Variants in HTR7 observed in about 807,000 individuals in gnomAD.
HTR7 encodes 5-HT-7.
Under a neutral mutation model 34.0 loss-of-function variants are expected in HTR7, and 16 were observed. The observed-to-expected ratio is 0.47, with a 90% CI of 0.32 to 0.71. HTR7 has a LOEUF of 0.71. Ranked by LOEUF, HTR7 falls within the 30% of genes least tolerant of loss-of-function variation. The probability of loss-of-function intolerance (pLI) is 0.04; values close to 1 mark genes in which losing one functional copy is unlikely to be tolerated. For synonymous variants in HTR7, 265 were observed against 260.2 expected (o/e 1.02, Z -0.18); for missense variants, 504 against 625.5 (o/e 0.81, Z 2.07).
chr10:90,805,205 G>T (rs1171840575), intron 1 of HTR7, among the ~76,000 whole-genome samples: 1 of 152,078 alleles, frequency 6.6e-6, no homozygotes, highest in East Asian at 1.9e-4. Context: ...TACTATAGGG[G>T]GCTACTCATT....
At chr10:90,759,612 G>A (rs1003757613) in intron 1 of HTR7, among the ~76,000 whole-genome samples, 2 of 137,558 alleles carry the variant, frequency 1.5e-5, no homozygotes, top group African/African-American at 2.8e-5. Context: ...CCGAGATTGC[G>A]CCACTGCAGT....
intron 1 of HTR7, among the ~76,000 whole-genome samples, chr10:90,820,350 A>G (rs1845960593): frequency 6.6e-6 from 1 of 152,208 alleles, no homozygotes; most frequent in African/African-American, 2.4e-5. Context: ...AAGAATCTGA[A>G]CACGGTGTTC....
At chr10:90,745,465 T>C (rs538103212) in intron 2 of HTR7, among the ~76,000 whole-genome samples, 171 of 152,330 alleles carry the variant, frequency 1.1e-3, no homozygotes, top group Non-Finnish European at 1.9e-3. Context: ...TTTCAAAATA[T>C]GAATTTTGCA....
chr10:90,813,521 CAAA>C (rs55804411), intron 1 of HTR7, among the ~76,000 whole-genome samples: 3 of 131,382 alleles, frequency 2.3e-5, no homozygotes, highest in Admixed American at 7.6e-5. Context: ...GACTCCGTGT[CAAA>C]AAAAAAAAAA....
At chr10:90,762,309 C>G (rs1399603367) in intron 1 of HTR7, among the ~76,000 whole-genome samples, 1 of 152,124 alleles carries the variant, frequency 6.6e-6, no homozygotes, top group Non-Finnish European at 1.5e-5. Flanking sequence ...TATTTCTTGT[C>G]TTTTTGATAA....
At chr10:90,803,350 G>A (rs531004919) in intron 1 of HTR7, among the ~76,000 whole-genome samples, 5 of 152,074 alleles carry the variant, frequency 3.3e-5, no homozygotes, top group Non-Finnish European at 5.9e-5. Context: ...ATTCACATGC[G>A]CAGTAGCCTG....
chr10:90,856,921 C>T (rs572295548), intron 1 of HTR7, among the ~76,000 whole-genome samples: 162 of 152,298 alleles, frequency 1.1e-3, no homozygotes, highest in African/African-American at 3.8e-3. Context: ...TAAACCAGAA[C>T]ATTTCCGGTT....
At chr10:90,803,578 C>T (rs1845661294) in intron 1 of HTR7, among the ~76,000 whole-genome samples, 1 of 152,154 alleles carries the variant, frequency 6.6e-6, no homozygotes, top group Non-Finnish European at 1.5e-5. Flanking sequence ...TTCTGTTTAT[C>T]GGGAGACCGC....
chr10:90,783,729 C>T (rs11186306), intron 1 of HTR7, among the ~76,000 whole-genome samples: 16,565 of 152,110 alleles, frequency 0.11, 1,167 homozygotes, highest in African/African-American at 0.19. Flanking sequence ...TTTCTCCACC[C>T]CATTACTTGA....
intron 1 of HTR7, among the ~76,000 whole-genome samples, chr10:90,769,789 C>A (rs73314007): frequency 0.024 from 3,597 of 152,252 alleles, 140 homozygotes; most frequent in African/African-American, 0.083. Context: ...ACAGCAAAAC[C>A]AGTTGCCAAA....
chr10:90,779,913 T>C (rs1244660871), intron 1 of HTR7, among the ~76,000 whole-genome samples: 2 of 152,136 alleles, frequency 1.3e-5, no homozygotes, highest in African/African-American at 4.8e-5. Flanking sequence ...GGACACCCCA[T>C]CCCCAACCCT....
chr10:90,831,575 G>A (rs113797987), intron 1 of HTR7, among the ~76,000 whole-genome samples: 11,628 of 152,266 alleles, frequency 0.076, 482 homozygotes, highest in Non-Finnish European at 0.095. Flanking sequence ...ACCCCAGCGG[G>A]TTGCCACTGC....
Position 90,857,095 on chromosome 10 carries a change from C to T in HTR7, c.539+38G>A. Reference sequence around the variant, plus strand: ...CGCGGGGCTGAGCTGCCAGCCGGTCCCCAGCCGGAGCCTGGGACGGGGCGG... The same window carrying T: ...CGCGGGGCTGAGCTGCCAGCCGGTCTCCAGCCGGAGCCTGGGACGGGGCGG... On this transcript the variant is annotated intron_variant, in intron 1 of 3. Coordinates refer to ENST00000336152, the MANE Select transcript of HTR7 (RefSeq NM_019859.4). The surrounding 1 kb of genome is among the most constrained non-coding windows in gnomAD (Gnocchi z 6.5). 1 of 1,496,064 alleles carries T rather than the reference C, an allele frequency of 6.7e-7. No homozygotes were observed. The highest frequency in any genetic ancestry group is 2.4e-5 in the East Asian group (1 of 41,236). 92.7% of individuals were successfully genotyped at this position (1,496,064 alleles called of 1,614,324 possible).
chr10:90,763,812 T>G (rs532319622), intron 1 of HTR7, among the ~76,000 whole-genome samples: 3 of 152,358 alleles, frequency 2.0e-5, no homozygotes, highest in South Asian at 2.1e-4. Flanking sequence ...TTTTTATGGC[T>G]GCATAGTATT....
rs80281807 is a variant in HTR7 at position 90,782,151 on chromosome 10, A to C, written c.540-32557T>G. The stretch of plus-strand genomic sequence containing the variant: ...TCATGGCACCTCCAATTCCACAGAC[A>C]TGGGCGAGAGACTGCACTCAATGCC... On this transcript the variant is annotated intron_variant, in intron 1 of 3. Transcript: ENST00000336152. 1.8e-4 allele frequency among the ~76,000 whole-genome samples: 28 copies of C among 151,614 alleles called. No individual in the cohort carries two copies. The East Asian group carries it at 5.4e-3, about 29-fold the overall frequency.
At chr10:90,775,718 G>C (rs1432711511) in intron 1 of HTR7, among the ~76,000 whole-genome samples, 4 of 152,184 alleles carry the variant, frequency 2.6e-5, no homozygotes, top group Non-Finnish European at 2.9e-5. Context: ...CAAAATTCTA[G>C]AAAGTAGATT....
intron 1 of HTR7, among the ~76,000 whole-genome samples, chr10:90,826,719 C>T (rs377252212): frequency 2.6e-5 from 4 of 151,936 alleles, no homozygotes; most frequent in South Asian, 4.2e-4. Context: ...GGGCGGATCA[C>T]GAGCTCAGGA....
intron 1 of HTR7, among the ~76,000 whole-genome samples, chr10:90,803,424 TG>T (rs1845659442): frequency 6.6e-6 from 1 of 152,140 alleles, no homozygotes; most frequent in South Asian, 2.1e-4. Flanking sequence ...TCACTTGAGG[TG>T]TTTTTCCCTT....
At position 90,810,356 on chromosome 10, in the gene HTR7, C is replaced by G. The variant is rs369010016; in HGVS notation, c.539+46777G>C. On this transcript the variant is annotated intron_variant, in intron 1 of 3. Transcript: ENST00000336152. ...TTCTACTCCCTTCTTGGTGACCGAT[C>G]ATGCAACCCTTACCATCTCATTAAA... Among the ~76,000 whole-genome samples, 173 of 152,234 alleles carry G rather than the reference C, an allele frequency of 1.1e-3. 1 individual carries two copies. The South Asian group carries it at 0.015, about 13-fold the overall frequency.
Sources: allele counts gnomAD v4.1 joint callset (sites outside exome capture counted in the v4.1 genomes callset), GRCh38; gene constraint gnomAD v4.1.1; non-coding constraint Gnocchi (gnomAD v3.1); transcripts MANE v1.5; gene names NCBI Gene and HGNC (gene_info 2026-07-23, HGNC 2026-07-21).